Variants in ENTREP2 observed in about 807,000 individuals in gnomAD.
ENTREP2 encodes the protein endosomal transmembrane epsin interactor 2.
chr15:29,252,352 G>C, the ENTREP2 span: 1 of 1,460,972 alleles, frequency 6.8e-7, no homozygotes, highest in Non-Finnish European at 9.4e-7. Flanking sequence ...GAAAGGGTTT[G>C]CATTTCATTA....
At chr15:29,381,184 C>A in the ENTREP2 span, among the ~76,000 whole-genome samples, 8 of 146,036 alleles carry the variant, frequency 5.5e-5, no homozygotes, top group East Asian at 2.3e-4. Context: ...TGGCCAGGCG[C>A]AGTGGCTCAT....
chr15:29,639,499 A>G, the ENTREP2 span, among the ~76,000 whole-genome samples: 144 of 152,332 alleles, frequency 9.5e-4, no homozygotes, highest in African/African-American at 3.3e-3. Context: ...GTACAAACTA[A>G]AAGTAAAGAG....
the ENTREP2 span, among the ~76,000 whole-genome samples, chr15:29,444,377 G>A: frequency 6.6e-6 from 1 of 152,106 alleles, no homozygotes. Flanking sequence ...GGGATAAAAA[G>A]GAAAGTGGTT....
chr15:29,669,016 A>G, the ENTREP2 span, among the ~76,000 whole-genome samples: 1 of 152,102 alleles, frequency 6.6e-6, no homozygotes, highest in Admixed American at 6.6e-5. Context: ...CGCTCCCATA[A>G]CTACGACCAG....
chr15:29,407,781 G>A, the ENTREP2 span, among the ~76,000 whole-genome samples: 6 of 151,998 alleles, frequency 3.9e-5, no homozygotes, highest in Non-Finnish European at 7.4e-5. Context: ...TTCTCCTGCC[G>A]CAGCCTCCCG....
the ENTREP2 span, among the ~76,000 whole-genome samples, chr15:29,270,248 A>G: frequency 6.6e-6 from 1 of 152,154 alleles, no homozygotes; most frequent in Non-Finnish European, 1.5e-5. Context: ...CCTCCACCCA[A>G]TTTCATACCC....
At chr15:29,234,107 C>A in the ENTREP2 span, 2 of 1,515,606 alleles carry the variant, frequency 1.3e-6, no homozygotes, top group East Asian at 4.5e-5. Flanking sequence ...ATCAGACATT[C>A]TCTGCATCAA....
chr15:29,184,980 G>A, the ENTREP2 span, among the ~76,000 whole-genome samples: 1 of 152,006 alleles, frequency 6.6e-6, no homozygotes, highest in African/African-American at 2.4e-5. Flanking sequence ...GGAGGCTGAG[G>A]CAGGAGAATC....
the ENTREP2 span, among the ~76,000 whole-genome samples, chr15:29,563,844 A>AAATAAATAAATAAATAAATAAAT: frequency 6.6e-4 from 100 of 150,898 alleles, no homozygotes; most frequent in African/African-American, 2.3e-3. Context: ...CTCAAAAATA[A>AAATAAATAAATAAATAAATAAAT]AAATAAATAA....
chr15:29,377,296 A>G, the ENTREP2 span, among the ~76,000 whole-genome samples: 1 of 152,162 alleles, frequency 6.6e-6, no homozygotes, highest in African/African-American at 2.4e-5. Flanking sequence ...CCTCAGTTCC[A>G]TTTTGTGGTC....
At chr15:29,626,876 TAAAAC>T in the ENTREP2 span, among the ~76,000 whole-genome samples, 1 of 152,142 alleles carries the variant, frequency 6.6e-6, no homozygotes, top group Non-Finnish European at 1.5e-5. Context: ...TAAAGACAAA[TAAAAC>T]AAATACAATA....
chr15:29,276,840 A>C, the ENTREP2 span, among the ~76,000 whole-genome samples: 1 of 152,200 alleles, frequency 6.6e-6, no homozygotes, highest in Non-Finnish European at 1.5e-5. Context: ...AGGGGAAAAA[A>C]GGGTAGTAAG....
chr15:29,274,148 G>T, the ENTREP2 span, among the ~76,000 whole-genome samples: 1 of 152,170 alleles, frequency 6.6e-6, no homozygotes, highest in African/African-American at 2.4e-5. Context: ...TGAGGGTCTT[G>T]GAACACATCC....
chr15:29,514,379 G>A, the ENTREP2 span, among the ~76,000 whole-genome samples: 2 of 152,298 alleles, frequency 1.3e-5, no homozygotes, highest in East Asian at 3.9e-4. Context: ...TGTAGCCTGT[G>A]TCAGAATTTC....
At chr15:29,478,074 G>C in the ENTREP2 span, among the ~76,000 whole-genome samples, 238 of 131,280 alleles carry the variant, frequency 1.8e-3, no homozygotes, top group African/African-American at 6.4e-3. Context: ...ACCCAGGCTG[G>C]AGTGCAGTGG....
At chr15:29,157,526 A>G in the ENTREP2 span, among the ~76,000 whole-genome samples, 106,454 of 152,102 alleles carry the variant, frequency 0.7, 37,579 homozygotes, top group African/African-American at 0.74. Flanking sequence ...TAGCTGGCTG[A>G]GTGCCTTTTC....
At chr15:29,119,106 G>T in the ENTREP2 span, among the ~76,000 whole-genome samples, 1 of 152,170 alleles carries the variant, frequency 6.6e-6, no homozygotes, top group Non-Finnish European at 1.5e-5. Flanking sequence ...TGGCCATCAG[G>T]GGCATATAAA....
At chr15:29,462,598 G>A in the ENTREP2 span, among the ~76,000 whole-genome samples, 1 of 151,532 alleles carries the variant, frequency 6.6e-6, no homozygotes, top group Non-Finnish European at 1.5e-5. Context: ...CAACAAGAGC[G>A]AAATTCGATC....
the ENTREP2 span, among the ~76,000 whole-genome samples, chr15:29,297,206 A>G: frequency 6.6e-6 from 1 of 152,180 alleles, no homozygotes; most frequent in South Asian, 2.1e-4. Flanking sequence ...TCAAAACTTA[A>G]TAGATGAATT....
Sources: allele counts gnomAD v4.1 joint callset (sites outside exome capture counted in the v4.1 genomes callset), GRCh38; gene constraint gnomAD v4.1.1; transcripts MANE v1.5; gene names NCBI Gene and HGNC (gene_info 2026-07-23, HGNC 2026-07-21).